Variants in RERE observed in about 807,000 individuals in gnomAD.
The protein encoded by RERE is arginine-glutamic acid dipeptide repeats protein.
Under a neutral mutation model 146.1 loss-of-function variants are expected in RERE, and 40 were observed. The observed-to-expected ratio is 0.27, with a 90% CI of 0.21 to 0.36. The LOEUF (loss-of-function observed/expected upper bound fraction) is 0.36. Among genes scored for constraint, RERE ranks in the 10% least tolerant of loss-of-function variants. RERE has a pLI of 1.00. For missense variants in RERE, 1,933 were observed against 2,138.7 expected, an observed-to-expected ratio of 0.90 and a Z score of 1.90; for synonymous variants, 1,003 against 866.0, an observed-to-expected ratio of 1.16 and a Z score of -2.78.
chr1:8,369,508 T>TTAAAAAAAAAAAA lies in RERE; in HGVS notation c.1285-3535_1285-3534insTTTTTTTTTTTTA, dbSNP rs1285019668. Among the ~76,000 whole-genome samples the TTAAAAAAAAAAAA allele has an allele frequency of 1.3e-4, 10 of 76,894 alleles. 1 individual carries two copies. Among genetic ancestry groups the TTAAAAAAAAAAAA allele is most frequent in the African/African-American group, 2.1e-4 (5 of 23,642 alleles). The allele number at this position is 76,894 out of a possible 152,430, so 50.4% of individuals were successfully genotyped here. On this transcript the variant is annotated intron_variant, in intron 12 of 22. Transcript: ENST00000400908. ...ATCGAATAAATCTTTCGCCTTTTAC[T>TTAAAAAAAAAAAA]AAAAAAAAAAAAAAAAAAAAAAAAA...
At chr1:8,736,303 T>C (rs1640196316) in intron 1 of RERE, among the ~76,000 whole-genome samples, 1 of 152,140 alleles carries the variant, frequency 6.6e-6, no homozygotes, top group South Asian at 2.1e-4. Context: ...GCCTCCTGGG[T>C]TCATGCCATT....
chr1:8,361,187 G>C lies in RERE; in HGVS notation c.2320C>G (p.Pro774Ala). Residue 774 changes from proline (P) to alanine (A), a missense_variant, in exon 18 of 23, where the codon CCC (proline) becomes GCC (alanine). Coordinates refer to ENST00000400908, the MANE Select transcript of RERE (RefSeq NM_001042681.2). ...PGPTPSATAV[P>A]PQGSPTASQA... ...GAGGCCGTGGGGGAGCCCTGTGGGG[G>C]AACTGCAGTGGCAGAGGGCGTGGGC... 1 of 1,474,058 alleles carries C rather than the reference G, an allele frequency of 6.8e-7. No individual in the cohort carries two copies. The highest frequency in any genetic ancestry group is 8.9e-7 in the Non-Finnish European group (1 of 1,118,940). The allele number at this position is 1,474,058 out of a possible 1,614,324, so 91.3% of individuals were successfully genotyped here. A position where few individuals can be genotyped will look rare whatever the true frequency, so the allele number is the denominator to read the frequency against.
intron 7 of RERE, among the ~76,000 whole-genome samples, chr1:8,513,918 T>C (rs919300683): frequency 1.3e-5 from 2 of 152,248 alleles, no homozygotes; most frequent in African/African-American, 4.8e-5. Context: ...TGCCTTTGAA[T>C]GAATGGATCT....
At chr1:8,747,136 G>C (rs1181880805) in intron 1 of RERE, among the ~76,000 whole-genome samples, 1 of 151,922 alleles carries the variant, frequency 6.6e-6, no homozygotes, top group East Asian at 1.9e-4. Flanking sequence ...CGAGTAGCTG[G>C]GACTACAGGG....
At chr1:8,511,564 G>A (rs1268909861) in intron 7 of RERE, among the ~76,000 whole-genome samples, 1 of 152,144 alleles carries the variant, frequency 6.6e-6, no homozygotes, top group Non-Finnish European at 1.5e-5. Flanking sequence ...AAGATATAAA[G>A]AGGTAGATAG....
chr1:8,781,979 C>T (rs1641173313), intron 1 of RERE, among the ~76,000 whole-genome samples: 1 of 152,120 alleles, frequency 6.6e-6, no homozygotes, highest in South Asian at 2.1e-4. Flanking sequence ...TTTGAGGCAG[C>T]GTGCTACTTC....
At chr1:8,393,857 T>C (rs1177945990) in intron 12 of RERE, among the ~76,000 whole-genome samples, 1 of 152,152 alleles carries the variant, frequency 6.6e-6, no homozygotes, top group Non-Finnish European at 1.5e-5. Context: ...TATATTAACA[T>C]ATAAAAATAC....
At position 8,423,720 on chromosome 1, in the gene RERE, G is replaced by C; in HGVS notation, c.1204-913C>G. On this transcript the variant is annotated intron_variant, in intron 11 of 22. Transcript: ENST00000400908. This position sits in a 1 kb window ranked among gnomAD's most constrained non-coding sequence, Gnocchi z 5.4. ...GGTGGCTCGGCGTGTGACCGCGGCG[G>C]GGCCGCGCGGCGCGGGGCCCGGGGG... The C allele has an allele frequency of 1.0e-6, 1 of 979,464 alleles. No homozygotes were observed. Among genetic ancestry groups the C allele is most frequent in the Non-Finnish European group, 1.2e-6 (1 of 827,122 alleles). The allele number at this position is 979,464 out of a possible 1,614,324, so 60.7% of individuals were successfully genotyped here. A position where few individuals can be genotyped will look rare whatever the true frequency, so the allele number is the denominator to read the frequency against.
At chr1:8,396,816 C>A (rs540302378) in intron 12 of RERE, among the ~76,000 whole-genome samples, 1 of 152,212 alleles carries the variant, frequency 6.6e-6, no homozygotes, top group Non-Finnish European at 1.5e-5. Context: ...ATTAAGCAGT[C>A]AAAGTGAACT....
intron 10 of RERE, among the ~76,000 whole-genome samples, chr1:8,471,183 G>A (rs985508768): frequency 6.6e-6 from 1 of 152,118 alleles, no homozygotes; most frequent in East Asian, 1.9e-4. Context: ...TCATAATAGG[G>A]AAACTTACCT....
chr1:8,782,166 A>G (rs1329702209), intron 1 of RERE, among the ~76,000 whole-genome samples: 1 of 152,174 alleles, frequency 6.6e-6, no homozygotes, highest in Non-Finnish European at 1.5e-5. Context: ...AATCTTGCCA[A>G]GATCATCTGT....
chr1:8,736,888 G>A lies in RERE; in HGVS notation c.-145+80272C>T, dbSNP rs557964139. 2.4e-4 allele frequency among the ~76,000 whole-genome samples: 36 copies of A among 150,140 alleles called. No individual in the cohort carries two copies. The South Asian group carries it at 7.4e-3, about 31-fold the overall frequency. ...AAAAAAAAAAAAACTAAAACCTTTG[G>A]AGAGTCATTGTTTGACATCTTCCTT... On this transcript the variant is annotated intron_variant, in intron 1 of 22. Transcript: ENST00000400908.
intron 6 of RERE, among the ~76,000 whole-genome samples, chr1:8,551,769 T>C (rs1266300822): frequency 6.6e-6 from 1 of 152,202 alleles, no homozygotes; most frequent in Non-Finnish European, 1.5e-5. Flanking sequence ...TCATGTGACC[T>C]TGAACAAGTT....
At chr1:8,483,423 T>C (rs903383080) in intron 10 of RERE, among the ~76,000 whole-genome samples, 3 of 152,234 alleles carry the variant, frequency 2.0e-5, no homozygotes, top group African/African-American at 7.2e-5. Flanking sequence ...GATACTTTAG[T>C]GAAGGCCATT....
intron 11 of RERE, among the ~76,000 whole-genome samples, chr1:8,442,039 GA>G (rs1644256965): frequency 6.6e-6 from 1 of 151,946 alleles, no homozygotes; most frequent in Non-Finnish European, 1.5e-5. Flanking sequence ...AAGTAGAATG[GA>G]AATAAAAATT....
At chr1:8,589,364 T>C (rs1355032574) in intron 4 of RERE, among the ~76,000 whole-genome samples, 1 of 151,872 alleles carries the variant, frequency 6.6e-6, no homozygotes, top group African/African-American at 2.4e-5. Context: ...CAGTTGAATC[T>C]GGGAGGTGGA....
chr1:8,373,030 G>A (rs932991636), intron 12 of RERE, among the ~76,000 whole-genome samples: 3 of 152,178 alleles, frequency 2.0e-5, no homozygotes, highest in Non-Finnish European at 4.4e-5. Flanking sequence ...ACAGGTCTTC[G>A]AAGCCCACCT....
intron 12 of RERE, among the ~76,000 whole-genome samples, chr1:8,420,241 GC>G (rs1643888187): frequency 6.6e-6 from 1 of 152,166 alleles, no homozygotes; most frequent in Admixed American, 6.5e-5. Flanking sequence ...GATCACTTGA[GC>G]CCAGGAGTTT....
intron 12 of RERE, among the ~76,000 whole-genome samples, chr1:8,386,144 T>G (rs1415024297): frequency 1.3e-5 from 2 of 148,512 alleles, no homozygotes. Context: ...TCATGAATAC[T>G]TATATCCCAA....
Sources: gnomAD v4.1 joint callset for allele counts (sites outside exome capture counted in the v4.1 genomes callset) on GRCh38, gnomAD v4.1.1 for gene constraint, Gnocchi (gnomAD v3.1) non-coding constraint, MANE v1.5 for transcripts, NCBI Gene and HGNC (gene_info 2026-07-23, HGNC 2026-07-21) for gene names.